Variants in AUTS2 observed in about 807,000 individuals in gnomAD.
AUTS2 encodes the protein activator of transcription and developmental regulator AUTS2, also known as autism susceptibility gene 2 protein.
AUTS2 carries 17 observed loss-of-function variants against 112.4 expected under a neutral mutation model. The ratio of observed to expected loss-of-function variants is 0.15; its 90% confidence interval spans 0.10 to 0.23. AUTS2 has a LOEUF of 0.23. AUTS2 is among the 10% of genes least tolerant of loss of function. AUTS2 has a pLI of 1.00. For missense variants in AUTS2, 1,510 were observed against 1,701.6 expected (o/e 0.89, Z 1.98); for synonymous variants, 751 against 702.7 (o/e 1.07, Z -1.09).
At chr7:70,396,997 A>T (rs1005932658) in intron 4 of AUTS2, among the ~76,000 whole-genome samples, 7 of 152,088 alleles carry the variant, frequency 4.6e-5, no homozygotes, top group African/African-American at 1.7e-4. Flanking sequence ...CCAACCGTGT[A>T]TAAGAGTTCC....
At chr7:70,416,939 C>T (rs1030106379) in intron 4 of AUTS2, among the ~76,000 whole-genome samples, 5 of 152,182 alleles carry the variant, frequency 3.3e-5, no homozygotes, top group African/African-American at 7.2e-5. Context: ...TGAGAATGAG[C>T]GGGTCTCACA....
At chr7:70,112,949 C>A (rs1394618814) in intron 2 of AUTS2, among the ~76,000 whole-genome samples, 1 of 151,910 alleles carries the variant, frequency 6.6e-6, no homozygotes, top group African/African-American at 2.4e-5. Flanking sequence ...TGATTTGAGT[C>A]ATTTTATATT....
At chr7:69,785,550 C>T (rs578237243) in intron 1 of AUTS2, among the ~76,000 whole-genome samples, 33 of 152,358 alleles carry the variant, frequency 2.2e-4, no homozygotes, top group African/African-American at 6.5e-4. Flanking sequence ...ATCCCTTCTG[C>T]GGAGCAGAGT....
intron 5 of AUTS2, among the ~76,000 whole-genome samples, chr7:70,543,639 G>A (rs1207667709): frequency 6.6e-6 from 1 of 152,146 alleles, no homozygotes; most frequent in Non-Finnish European, 1.5e-5. Context: ...CTACCTGACT[G>A]CAGTTTGTTG....
intron 5 of AUTS2, among the ~76,000 whole-genome samples, chr7:70,525,231 C>A (rs1799793956): frequency 6.6e-6 from 1 of 152,182 alleles, no homozygotes; most frequent in African/African-American, 2.4e-5. Context: ...TTCCCCATTC[C>A]ATCAGTTGTC....
At chr7:69,942,207 TGA>T (rs1796652484) in intron 2 of AUTS2, among the ~76,000 whole-genome samples, 2 of 152,188 alleles carry the variant, frequency 1.3e-5, no homozygotes, top group Non-Finnish European at 2.9e-5. Context: ...ATCAGGTCCT[TGA>T]GAGCAGATAC....
chr7:70,389,921 A>G (rs79877038), intron 4 of AUTS2, among the ~76,000 whole-genome samples: 2,955 of 152,304 alleles, frequency 0.019, 96 homozygotes, highest in African/African-American at 0.066. Flanking sequence ...CCTGCAAATG[A>G]AGAGAATTTT....
At chr7:70,032,628 C>G (rs1800832575) in intron 2 of AUTS2, among the ~76,000 whole-genome samples, 1 of 152,098 alleles carries the variant, frequency 6.6e-6, no homozygotes, top group South Asian at 2.1e-4. Flanking sequence ...TGTGTATACA[C>G]ATATCATTTA....
At chr7:69,805,569 AAAG>A (rs1483900329) in intron 1 of AUTS2, among the ~76,000 whole-genome samples, 3 of 152,218 alleles carry the variant, frequency 2.0e-5, no homozygotes, top group African/African-American at 7.2e-5. Context: ...ATGAAGGAAA[AAAG>A]AATAGGAAAA....
chr7:69,704,607 T>C (rs1211345239), intron 1 of AUTS2, among the ~76,000 whole-genome samples: 5 of 152,168 alleles, frequency 3.3e-5, no homozygotes, highest in Non-Finnish European at 1.5e-5. Flanking sequence ...AGGCTTACTT[T>C]TTCTTGTGGT....
At chr7:70,102,760 ATTAAT>A (rs1228595429) in intron 2 of AUTS2, among the ~76,000 whole-genome samples, 1 of 152,064 alleles carries the variant, frequency 6.6e-6, no homozygotes, top group Non-Finnish European at 1.5e-5. Context: ...TTTTTCCATC[ATTAAT>A]TTAATCCAAA....
chr7:70,569,803 A>G (rs574433391), intron 5 of AUTS2, among the ~76,000 whole-genome samples: 2 of 152,216 alleles, frequency 1.3e-5, no homozygotes, highest in Non-Finnish European at 2.9e-5. Flanking sequence ...AGCAAGGTCA[A>G]CCACTGAGAT....
chr7:70,104,650 A>G (rs1449596521), intron 2 of AUTS2, among the ~76,000 whole-genome samples: 1 of 152,210 alleles, frequency 6.6e-6, no homozygotes, highest in Non-Finnish European at 1.5e-5. Flanking sequence ...GAATGCTTAA[A>G]TAGTTATTAA....
chr7:69,953,547 C>T (rs1797106892), intron 2 of AUTS2, among the ~76,000 whole-genome samples: 1 of 152,152 alleles, frequency 6.6e-6, no homozygotes, highest in African/African-American at 2.4e-5. Flanking sequence ...TAGAAAATTA[C>T]AAACAGGTTG....
chr7:70,597,653 G>C (rs540933057), intron 5 of AUTS2, among the ~76,000 whole-genome samples: 1 of 152,348 alleles, frequency 6.6e-6, no homozygotes, highest in Admixed American at 6.5e-5. Flanking sequence ...GTGGGAAGCA[G>C]TGAAATTGGA....
chr7:70,717,517 G>A (rs1363202803), intron 6 of AUTS2, among the ~76,000 whole-genome samples: 2 of 152,176 alleles, frequency 1.3e-5, no homozygotes, highest in African/African-American at 4.8e-5. Context: ...GTGTCAGGGA[G>A]AGGAAATTGA....
chr7:70,075,532 T>G (rs1802985263), intron 2 of AUTS2, among the ~76,000 whole-genome samples: 1 of 152,232 alleles, frequency 6.6e-6, no homozygotes, highest in South Asian at 2.1e-4. Flanking sequence ...TAAAAGGCAT[T>G]ATCTATTCAG....
At chr7:69,821,867 G>A (rs1159580167) in intron 1 of AUTS2, among the ~76,000 whole-genome samples, 1 of 143,544 alleles carries the variant, frequency 7.0e-6, no homozygotes, top group African/African-American at 2.6e-5. Flanking sequence ...AGTGAGCTGT[G>A]ATTGCACCAC....
At chr7:70,137,330 A>T (rs1806619049) in intron 4 of AUTS2, among the ~76,000 whole-genome samples, 1 of 152,022 alleles carries the variant, frequency 6.6e-6, no homozygotes, top group Non-Finnish European at 1.5e-5. Flanking sequence ...ACACATATAT[A>T]TTCATTACAT....
Sources: gnomAD v4.1 joint callset for allele counts (sites outside exome capture counted in the v4.1 genomes callset) on GRCh38, gnomAD v4.1.1 for gene constraint, MANE v1.5 for transcripts, NCBI Gene and HGNC (gene_info 2026-07-23, HGNC 2026-07-21) for gene names.